LMX1A: variants seen among roughly 807,000 people sequenced by gnomAD.
LMX1A encodes the protein LIM homeobox transcription factor 1-alpha.
In LMX1A, 15 loss-of-function variants were observed where a neutral mutation model predicts 49.1. The ratio of observed to expected loss-of-function variants is 0.31; its 90% confidence interval spans 0.20 to 0.47. The LOEUF is 0.47. Ranked by LOEUF, LMX1A falls within the 20% of genes least tolerant of loss-of-function variation. The probability of loss-of-function intolerance (pLI) is 1.00; values close to 1 mark genes in which losing one functional copy is unlikely to be tolerated. For missense variants in LMX1A, 372 were observed against 475.8 expected, an observed-to-expected ratio of 0.78 and a Z score of 2.03; for synonymous variants, 167 against 185.7, an observed-to-expected ratio of 0.90 and a Z score of 0.82.
intron 4 of LMX1A, among the ~76,000 whole-genome samples, chr1:165,237,685 A>G (rs1317693628): frequency 6.6e-6 from 1 of 152,226 alleles, no homozygotes; most frequent in African/African-American, 2.4e-5. Flanking sequence ...AGTTTCGAAT[A>G]TAATTTTACA....
chr1:165,253,447 G>T (rs1482899055), intron 3 of LMX1A, among the ~76,000 whole-genome samples: 4 of 152,296 alleles, frequency 2.6e-5, no homozygotes, highest in South Asian at 2.1e-4. Flanking sequence ...TGAAGGGGAA[G>T]CTAAGGAGAA....
At chr1:165,247,375 C>T (rs571107537) in intron 4 of LMX1A, among the ~76,000 whole-genome samples, 7 of 152,098 alleles carry the variant, frequency 4.6e-5, no homozygotes, top group South Asian at 2.1e-4. Context: ...CCTAAGAGGG[C>T]GGACACAGCA....
chr1:165,275,548 C>T (rs1653938881), intron 3 of LMX1A, among the ~76,000 whole-genome samples: 1 of 152,218 alleles, frequency 6.6e-6, no homozygotes, highest in Non-Finnish European at 1.5e-5. Flanking sequence ...TATATCCCTA[C>T]TGGGTTCCCC....
chr1:165,256,142 T>C (rs1174008792), intron 3 of LMX1A, among the ~76,000 whole-genome samples: 2 of 152,144 alleles, frequency 1.3e-5, no homozygotes, highest in Non-Finnish European at 2.9e-5. Flanking sequence ...ACATGCTCCT[T>C]ACACCAAGCC....
intron 3 of LMX1A, among the ~76,000 whole-genome samples, chr1:165,298,913 T>A (rs982808110): frequency 1.2e-4 from 19 of 152,234 alleles, no homozygotes; most frequent in African/African-American, 4.6e-4. Flanking sequence ...TGTCTGCATG[T>A]GAGAAGAGAT....
intron 3 of LMX1A, among the ~76,000 whole-genome samples, chr1:165,304,035 A>G (rs1323239388): frequency 6.6e-6 from 1 of 152,114 alleles, no homozygotes; most frequent in African/African-American, 2.4e-5. Context: ...TGGTCACTAC[A>G]TTACACATTG....
intron 3 of LMX1A, among the ~76,000 whole-genome samples, chr1:165,303,296 T>C (rs1351341408): frequency 6.6e-6 from 1 of 152,186 alleles, no homozygotes; most frequent in East Asian, 1.9e-4. Context: ...CACCATTCCA[T>C]AGCCCACAGT....
At chr1:165,286,387 ACAT>A (rs1654305216) in intron 3 of LMX1A, among the ~76,000 whole-genome samples, 1 of 152,168 alleles carries the variant, frequency 6.6e-6, no homozygotes. Flanking sequence ...GGTGGGTCTG[ACAT>A]GCCAGTTTGT....
chr1:165,210,598 T>C (rs1003509835), intron 6 of LMX1A, 101 bp downstream of exon 6: 1 of 753,112 alleles, frequency 1.3e-6, no homozygotes, highest in Non-Finnish European at 2.2e-6. Context: ...CTCTATCCAA[T>C]GAGCTAAGGC....
At chr1:165,244,840 G>A (rs146824868) in intron 4 of LMX1A, among the ~76,000 whole-genome samples, 1,519 of 116,944 alleles carry the variant, frequency 0.013, 10 homozygotes, top group Non-Finnish European at 0.02. Flanking sequence ...GAGACCTTGG[G>A]CATCCAAGTT....
chr1:165,244,337 G>A lies in LMX1A; in HGVS notation c.496+5071C>T, dbSNP rs933188314. On this transcript the variant is annotated intron_variant, in intron 4 of 8. Transcript: ENST00000342310. ...GAAAATTTAGTCAACCTGAAGATGAGGTCCTAGGATCCGCAATTTATAGCC... is the reference window on the plus strand; with the variant it reads ...GAAAATTTAGTCAACCTGAAGATGAAGTCCTAGGATCCGCAATTTATAGCC... Among the ~76,000 whole-genome samples the A allele has an allele frequency of 2.6e-5, 4 of 152,166 alleles. No homozygotes were observed. The East Asian group carries it at 7.7e-4, about 29-fold the overall frequency.
At chr1:165,324,151 A>C (rs1017954712) in intron 3 of LMX1A, among the ~76,000 whole-genome samples, 2 of 152,222 alleles carry the variant, frequency 1.3e-5, no homozygotes, top group Admixed American at 1.3e-4. Context: ...TGAATAAGTG[A>C]GATGATTACT....
At chr1:165,255,438 T>A (rs769639990) in intron 3 of LMX1A, among the ~76,000 whole-genome samples, 1 of 152,184 alleles carries the variant, frequency 6.6e-6, no homozygotes, top group Non-Finnish European at 1.5e-5. Context: ...AGAGCCTGGG[T>A]TCTCAGGTTC....
intron 4 of LMX1A, among the ~76,000 whole-genome samples, chr1:165,222,157 T>C (rs1651874152): frequency 6.6e-6 from 1 of 152,154 alleles, no homozygotes; most frequent in Non-Finnish European, 1.5e-5. Context: ...CCAACATCAC[T>C]GTATTCAAAT....
At chr1:165,210,643 T>C (rs867227563) in intron 6 of LMX1A, 56 bp downstream of exon 6, 4 of 1,338,992 alleles carry the variant, frequency 3.0e-6, no homozygotes, top group Middle Eastern at 3.6e-4. Context: ...TGTCCTACTG[T>C]GATTATTTCA....
chr1:165,265,547 G>A (rs954863549), intron 3 of LMX1A, among the ~76,000 whole-genome samples: 1 of 152,288 alleles, frequency 6.6e-6, no homozygotes, highest in African/African-American at 2.4e-5. Context: ...GCACTCAAAA[G>A]CGAGTGCCTC....
chr1:165,304,888 T>A (rs1308803230), intron 3 of LMX1A, among the ~76,000 whole-genome samples: 1 of 152,148 alleles, frequency 6.6e-6, no homozygotes, highest in African/African-American at 2.4e-5. Flanking sequence ...TCAGGCATCA[T>A]CTCCTTCCAG....
chr1:165,343,932 T>C (rs143241454), intron 3 of LMX1A, among the ~76,000 whole-genome samples: 121 of 152,356 alleles, frequency 7.9e-4, no homozygotes, highest in Non-Finnish European at 1.4e-3. Context: ...AACATTATCT[T>C]GTCCATCCCA....
At chr1:165,342,950 T>G (rs1207536695) in intron 3 of LMX1A, among the ~76,000 whole-genome samples, 1 of 152,088 alleles carries the variant, frequency 6.6e-6, no homozygotes, top group African/African-American at 2.4e-5. Flanking sequence ...TTGGGCAAGT[T>G]GTTAACTTCC....
Sources: gnomAD v4.1 joint callset for allele counts (sites outside exome capture counted in the v4.1 genomes callset) on GRCh38, gnomAD v4.1.1 for gene constraint, MANE v1.5 for transcripts, NCBI Gene and HGNC (gene_info 2026-07-23, HGNC 2026-07-21) for gene names.